The following SLC24A2 variants were observed in gnomAD, a reference collection of about 807,000 sequenced individuals.
SLC24A2 encodes sodium/potassium/calcium exchanger 2.
Under a neutral mutation model 62.0 loss-of-function variants are expected in SLC24A2, and 36 were observed. That is an observed-to-expected ratio of 0.58 (90% CI 0.44 to 0.77). SLC24A2 has a LOEUF of 0.77. Ranked by LOEUF, SLC24A2 falls within the 30% of genes least tolerant of loss-of-function variation. The pLI, the probability that SLC24A2 is intolerant of heterozygous loss-of-function variation, is 0.00. For missense variants in SLC24A2, 846 were observed against 817.9 expected (o/e 1.03, Z -0.42); for synonymous variants, 358 against 294.0 (o/e 1.22, Z -2.23).
chr9:19,827,191 T>C, the SLC24A2 span, among the ~76,000 whole-genome samples: 3 of 152,256 alleles, frequency 2.0e-5, no homozygotes, highest in South Asian at 2.1e-4. Flanking sequence ...ATGTGAGGAA[T>C]AGGCCGTGCA....
chr9:20,294,400 C>T, the SLC24A2 span, among the ~76,000 whole-genome samples: 1 of 152,168 alleles, frequency 6.6e-6, no homozygotes, highest in Admixed American at 6.5e-5. Context: ...TCCCAACTCC[C>T]CATGAGGCAA....
the SLC24A2 span, among the ~76,000 whole-genome samples, chr9:19,977,924 G>A: frequency 1.3e-5 from 2 of 152,096 alleles, no homozygotes; most frequent in African/African-American, 4.8e-5. Context: ...TGGGATAATG[G>A]GTATCTTAAA....
At chr9:20,210,991 G>A in the SLC24A2 span, among the ~76,000 whole-genome samples, 1 of 152,084 alleles carries the variant, frequency 6.6e-6, no homozygotes, top group African/African-American at 2.4e-5. Context: ...TCCGGAATAG[G>A]CAGAACTTTA....
At chr9:19,974,980 T>A in the SLC24A2 span, among the ~76,000 whole-genome samples, 6 of 152,176 alleles carry the variant, frequency 3.9e-5, no homozygotes, top group Admixed American at 3.9e-4. Flanking sequence ...GGCTCCTTTT[T>A]ATCAGGTAGG....
the SLC24A2 span, among the ~76,000 whole-genome samples, chr9:19,797,949 G>A: frequency 2.1e-4 from 32 of 152,094 alleles, no homozygotes; most frequent in Non-Finnish European, 4.0e-4. Flanking sequence ...GTTTTCTATT[G>A]TAGGCTGTAA....
At chr9:19,873,432 CTCCT>C in the SLC24A2 span, among the ~76,000 whole-genome samples, 1 of 139,324 alleles carries the variant, frequency 7.2e-6, no homozygotes, top group Non-Finnish European at 1.5e-5. Context: ...CTTTCTCTCT[CTCCT>C]TCCTTTCTTT....
chr9:20,039,401 G>C, the SLC24A2 span, among the ~76,000 whole-genome samples: 2 of 151,816 alleles, frequency 1.3e-5, no homozygotes, highest in Non-Finnish European at 2.9e-5. Flanking sequence ...AAGGTTGGGA[G>C]GGAAACCCAG....
the SLC24A2 span, among the ~76,000 whole-genome samples, chr9:20,268,272 T>C: frequency 9.2e-5 from 14 of 152,266 alleles, no homozygotes; most frequent in South Asian, 2.9e-3. Context: ...CATGGTCTTC[T>C]TCCTCTACAT....
At chr9:19,834,206 T>A in the SLC24A2 span, among the ~76,000 whole-genome samples, 1 of 151,950 alleles carries the variant, frequency 6.6e-6, no homozygotes, top group Non-Finnish European at 1.5e-5. Flanking sequence ...CTCAGTGCAA[T>A]GGAACAAAGC....
chr9:20,129,138 G>C, the SLC24A2 span, among the ~76,000 whole-genome samples: 1 of 152,054 alleles, frequency 6.6e-6, no homozygotes, highest in Non-Finnish European at 1.5e-5. Flanking sequence ...GACATGAGTA[G>C]ACATTTCTTC....
At chr9:19,558,984 A>G (rs1392275735) in intron 7 of SLC24A2, among the ~76,000 whole-genome samples, 1 of 152,192 alleles carries the variant, frequency 6.6e-6, no homozygotes, top group Non-Finnish European at 1.5e-5. Context: ...CCCACTTTTC[A>G]TATGGTTTTC....
At chr9:19,570,997 G>C (rs1029449261) in intron 7 of SLC24A2, among the ~76,000 whole-genome samples, 1 of 152,220 alleles carries the variant, frequency 6.6e-6, no homozygotes, top group African/African-American at 2.4e-5. Flanking sequence ...TCTGCTCAGA[G>C]AGGGGTCATC....
the SLC24A2 span, among the ~76,000 whole-genome samples, chr9:20,251,693 T>G: frequency 6.6e-6 from 1 of 152,164 alleles, no homozygotes; most frequent in Non-Finnish European, 1.5e-5. Context: ...CTCCAATTGA[T>G]TCAAACAAAA....
chr9:19,622,966 A>G (rs1406190776), intron 2 of SLC24A2, among the ~76,000 whole-genome samples: 1 of 152,172 alleles, frequency 6.6e-6, no homozygotes, highest in Non-Finnish European at 1.5e-5. Flanking sequence ...CATCACCTCA[A>G]GTTTTCTATT....
At chr9:20,220,114 AT>A in the SLC24A2 span, among the ~76,000 whole-genome samples, 44 of 150,410 alleles carry the variant, frequency 2.9e-4, no homozygotes, top group East Asian at 7.8e-4. Flanking sequence ...CCTATAGTTA[AT>A]TTTTTTTTTC....
chr9:20,112,087 T>G, the SLC24A2 span, among the ~76,000 whole-genome samples: 3 of 152,220 alleles, frequency 2.0e-5, no homozygotes, highest in Non-Finnish European at 2.9e-5. Context: ...CTTTGTCATA[T>G]TGCATAAAAT....
At chr9:19,522,233 C>T (rs572237585) in intron 9 of SLC24A2, among the ~76,000 whole-genome samples, 1 of 152,186 alleles carries the variant, frequency 6.6e-6, no homozygotes, top group Admixed American at 6.5e-5. Flanking sequence ...CTCTCGGCCT[C>T]GAGATCCTCC....
chr9:19,852,299 G>A, the SLC24A2 span, among the ~76,000 whole-genome samples: 1 of 152,038 alleles, frequency 6.6e-6, no homozygotes, highest in African/African-American at 2.4e-5. Flanking sequence ...AGTTTCTTTT[G>A]CTGCGTAGAA....
chr9:19,877,910 C>T, the SLC24A2 span, among the ~76,000 whole-genome samples: 20,410 of 152,070 alleles, frequency 0.13, 1,446 homozygotes, highest in East Asian at 0.21. Flanking sequence ...TCCTTATTTT[C>T]TTATTACTTA....
Sources: gnomAD v4.1 joint callset for allele counts (sites outside exome capture counted in the v4.1 genomes callset) on GRCh38, gnomAD v4.1.1 for gene constraint, MANE v1.5 for transcripts, NCBI Gene and HGNC (gene_info 2026-07-23, HGNC 2026-07-21) for gene names.